Variants in PBRM1 observed in about 807,000 individuals in gnomAD.
PBRM1 encodes polybromo 1.
PBRM1 carries 27 observed loss-of-function variants against 194.5 expected under a neutral mutation model. The observed-to-expected ratio is 0.14, with a 90% CI of 0.10 to 0.19. PBRM1 has a LOEUF of 0.19. PBRM1 is among the 10% of genes least tolerant of loss of function. The probability of loss-of-function intolerance (pLI) is 1.00; values close to 1 mark genes in which losing one functional copy is unlikely to be tolerated. For synonymous variants in PBRM1, 655 were observed against 693.2 expected (o/e 0.94, Z 0.87); for missense variants, 1,466 against 2,077.2 (o/e 0.71, Z 5.72).
At chr3:52,645,443 C>A (rs1270405882) in intron 7 of PBRM1, among the ~76,000 whole-genome samples, 1 of 151,376 alleles carries the variant, frequency 6.6e-6, no homozygotes, top group Non-Finnish European at 1.5e-5. Context: ...GATTACAGGC[C>A]TAAACCAGAG....
intron 23 of PBRM1, 114 bp from the exon 26 acceptor site, chr3:52,563,607 G>T: frequency 1.5e-6 from 1 of 678,074 alleles, no homozygotes; most frequent in Non-Finnish European, 2.6e-6. Flanking sequence ...TGCAATATAT[G>T]CTCTAAAGGC....
At chr3:52,634,984 G>C (rs144066115) in intron 10 of PBRM1, among the ~76,000 whole-genome samples, 169 bp from the exon 12 acceptor site, 2 of 152,256 alleles carry the variant, frequency 1.3e-5, no homozygotes, top group African/African-American at 2.4e-5. Context: ...GGAGTGCAAG[G>C]GTGCGATCTT....
chr3:52,665,912 A>T (rs903025478), intron 3 of PBRM1, among the ~76,000 whole-genome samples: 3 of 152,182 alleles, frequency 2.0e-5, no homozygotes, highest in African/African-American at 7.2e-5. Context: ...GAATTATTCT[A>T]AAGTCTTCGT....
chr3:52,638,995 G>T (rs1268279761), intron 10 of PBRM1, among the ~76,000 whole-genome samples: 4 of 118,320 alleles, frequency 3.4e-5, no homozygotes, highest in African/African-American at 9.4e-5. Flanking sequence ...TTGGGGGGGG[G>T]GGGCGGGGGA....
chr3:52,649,221 T>C (rs2096418073), intron 6 of PBRM1, among the ~76,000 whole-genome samples: 1 of 152,088 alleles, frequency 6.6e-6, no homozygotes, highest in Non-Finnish European at 1.5e-5. Context: ...CGCATCCTTC[T>C]TACACGGAGG....
intron 10 of PBRM1, among the ~76,000 whole-genome samples, chr3:52,635,186 TA>T (rs2095760348): frequency 6.6e-6 from 1 of 151,954 alleles, no homozygotes; most frequent in African/African-American, 2.4e-5. Flanking sequence ...CTCAGCCTCC[TA>T]AAGTGCTGGG....
At chr3:52,685,313 T>C (rs1025812017) in intron 1 of PBRM1, 6 of 152,152 alleles carry the variant, frequency 3.9e-5, no homozygotes, top group South Asian at 2.1e-4. Flanking sequence ...ACAAGTCCCA[T>C]TGATTAAAAT....
At chr3:52,563,354 G>C (rs1215663620) in exon 24 of PBRM1, 5 of 1,613,854 alleles carry the variant, frequency 3.1e-6, no homozygotes, top group African/African-American at 1.3e-5. Flanking sequence ...AGAGAAGGAG[G>C]TTCAATGACC....
At chr3:52,652,974 T>C (rs1031938298) in intron 5 of PBRM1, among the ~76,000 whole-genome samples, 6 of 151,812 alleles carry the variant, frequency 4.0e-5, no homozygotes, top group African/African-American at 1.5e-4. Flanking sequence ...CTCCAGCCTG[T>C]GCAACAGAGC....
At chr3:52,590,048 G>C (rs1322174051) in intron 17 of PBRM1, among the ~76,000 whole-genome samples, 1 of 151,772 alleles carries the variant, frequency 6.6e-6, no homozygotes, top group Non-Finnish European at 1.5e-5. Flanking sequence ...GGCTGGTCTC[G>C]ATCTCTCGAC....
At chr3:52,572,088 AT>A (rs1024070487) in intron 22 of PBRM1, among the ~76,000 whole-genome samples, 1 of 151,154 alleles carries the variant, frequency 6.6e-6, no homozygotes, top group African/African-American at 2.4e-5. Context: ...TTAATAGTTT[AT>A]CTGAATATCT....
chr3:52,618,250 G>C (rs375645751), intron 13 of PBRM1, among the ~76,000 whole-genome samples: 1 of 152,158 alleles, frequency 6.6e-6, no homozygotes, highest in East Asian at 1.9e-4. Context: ...AATTCCCCCA[G>C]TGAGATGTGA....
At chr3:52,574,511 T>C (rs1361411104) in intron 22 of PBRM1, among the ~76,000 whole-genome samples, 3 of 152,244 alleles carry the variant, frequency 2.0e-5, no homozygotes, top group South Asian at 2.1e-4. Context: ...ACAGTAGATA[T>C]GACAAAAGGC....
intron 12 of PBRM1, among the ~76,000 whole-genome samples, chr3:52,628,215 A>T (rs2095505053): frequency 6.6e-6 from 1 of 151,942 alleles, no homozygotes; most frequent in African/African-American, 2.4e-5. Context: ...AAAGGAATAA[A>T]ATCTAAATGA....
intron 17 of PBRM1, among the ~76,000 whole-genome samples, chr3:52,593,360 C>A (rs1457831748): frequency 6.6e-6 from 1 of 152,116 alleles, no homozygotes; most frequent in African/African-American, 2.4e-5. Context: ...CCTCAGCCTT[C>A]CGAATAGCTG....
chr3:52,685,899 T>G (rs1038842386), upstream of PBRM1: 6 of 632,360 alleles, frequency 9.5e-6, no homozygotes, highest in African/African-American at 9.3e-5. Flanking sequence ...CCCCTCCCGG[T>G]GCCGCCGCAA....
chr3:52,643,472 T>C (rs1175984793), intron 8 of PBRM1, 129 bp from the exon 10 acceptor site: 1 of 653,640 alleles, frequency 1.5e-6, no homozygotes, highest in East Asian at 2.7e-5. Flanking sequence ...GAACTTCTAC[T>C]ATGCAGCAGA....
intron 3 of PBRM1, among the ~76,000 whole-genome samples, chr3:52,665,725 C>G (rs62255362): frequency 0.34 from 51,964 of 151,976 alleles, 9,905 homozygotes; most frequent in Admixed American, 0.46. Context: ...GGAAGAGTTT[C>G]ATCCTGACCC....
At chr3:52,603,485 A>G (rs1009312876) in intron 17 of PBRM1, 36 bp downstream of exon 19, 1 of 1,568,136 alleles carries the variant, frequency 6.4e-7, no homozygotes, top group African/African-American at 1.4e-5. Context: ...AAGACAGTGC[A>G]TTTTTTCATA....
Sources: gnomAD v4.1 joint callset for allele counts (sites outside exome capture counted in the v4.1 genomes callset) on GRCh38, gnomAD v4.1.1 for gene constraint, MANE v1.5 for transcripts, NCBI Gene and HGNC (gene_info 2026-07-23, HGNC 2026-07-21) for gene names.